The following FBN1 variants were observed in gnomAD, a reference collection of about 807,000 sequenced individuals.
FBN1 encodes the protein fibrillin-1.
Under a neutral mutation model 365.1 loss-of-function variants are expected in FBN1, and 29 were observed. The ratio of observed to expected loss-of-function variants is 0.08; its 90% CI spans 0.06 to 0.11. The LOEUF is 0.11. Among genes scored for constraint, FBN1 ranks in the 10% least tolerant of loss-of-function variants. The pLI, the probability that FBN1 is intolerant of heterozygous loss-of-function variation, is 1.00. For synonymous variants in FBN1, 1,210 were observed against 1,270.5 expected (o/e 0.95, Z 1.01); for missense variants, 2,476 against 3,703.2 (o/e 0.67, Z 8.60).
chr15:48,495,734 T>C (rs2043602392), intron 20 of FBN1, 146 bp from the exon 21 acceptor site: 2 of 975,460 alleles, frequency 2.1e-6, no homozygotes, highest in East Asian at 4.8e-5. Context: ...CTAGATGGAA[T>C]GCCAAAATAA....
chr15:48,594,569 C>A (rs1259749094), intron 6 of FBN1, among the ~76,000 whole-genome samples: 1 of 152,142 alleles, frequency 6.6e-6, no homozygotes, highest in Non-Finnish European at 1.5e-5. Context: ...AGTAATTTAA[C>A]CCATTCAGGA....
At chr15:48,612,958 C>A in intron 3 of FBN1, 52 bp downstream of exon 3, 1 of 1,361,634 alleles carries the variant, frequency 7.3e-7, no homozygotes, top group Non-Finnish European at 1.1e-6. Flanking sequence ...CCCCATGCAA[C>A]CAACACAACA....
intron 39 of FBN1, 31 bp from the exon 40 acceptor site, chr15:48,465,724 A>G (rs773166728): frequency 5.6e-6 from 9 of 1,613,852 alleles, no homozygotes; most frequent in Non-Finnish European, 5.9e-6. Flanking sequence ...GCATTCCTTT[A>G]GCATTGTAAA....
chr15:48,587,356 T>C lies in FBN1; in HGVS notation c.538+8927A>G, dbSNP rs566527733. ...ACCAGTCTTCCCACTAATTTATACA[T>C]ACAAAGGGGCATTTTTTAATCCCAA... On this transcript the variant is annotated intron_variant, in intron 6 of 65. Transcript: ENST00000316623. Among the ~76,000 whole-genome samples the C allele has an allele frequency of 4.6e-5, 7 of 152,304 alleles. No homozygotes were observed. The South Asian group carries it at 1.4e-3, about 32-fold the overall frequency.
chr15:48,417,149 T>G (rs2042908302), intron 63 of FBN1, among the ~76,000 whole-genome samples: 1 of 152,044 alleles, frequency 6.6e-6, no homozygotes, highest in Non-Finnish European at 1.5e-5. Flanking sequence ...GCTCCACATT[T>G]AAGCTGGTGC....
intron 6 of FBN1, among the ~76,000 whole-genome samples, chr15:48,578,764 C>A (rs1212486439): frequency 6.9e-6 from 1 of 144,824 alleles, no homozygotes; most frequent in Non-Finnish European, 1.5e-5. Context: ...GAACAAAAAA[C>A]CAAACACCGC....
intron 10 of FBN1, among the ~76,000 whole-genome samples, chr15:48,517,164 T>C (rs941152616): frequency 2.0e-5 from 3 of 152,146 alleles, no homozygotes; most frequent in African/African-American, 4.8e-5. Context: ...CATAGGAGTT[T>C]TGAGATATCA....
intron 6 of FBN1, among the ~76,000 whole-genome samples, chr15:48,551,196 T>C (rs1162248500): frequency 6.6e-6 from 1 of 152,214 alleles, no homozygotes; most frequent in Non-Finnish European, 1.5e-5. Flanking sequence ...TGGGGTTGTA[T>C]GAGTAGTAAA....
At chr15:48,581,558 T>A (rs1182623888) in intron 6 of FBN1, among the ~76,000 whole-genome samples, 2 of 152,144 alleles carry the variant, frequency 1.3e-5, no homozygotes, top group Non-Finnish European at 2.9e-5. Context: ...CCACATAATA[T>A]CCACTTACAA....
Position 48,488,523 on chromosome 15 carries a change from T to G in FBN1, c.3083-30A>C, listed in dbSNP as rs1011081988. On this transcript the variant is annotated intron_variant, in intron 25 of 65. Coordinates refer to ENST00000316623, the MANE Select transcript of FBN1 (RefSeq NM_000138.5). ...AAGAATAAGAAAATGTGGGGCAAAA[T>G]AAGTTTATGAGCAAGCAGTCAGGAG... The G allele has an allele frequency of 5.0e-6, 8 of 1,609,404 alleles. No homozygotes were observed. In the African/African-American group the frequency reaches 1.1e-4, roughly 21 times the overall value.
In FBN1 at chr15:48,420,781, G is replaced by T; in HGVS notation, c.7725C>A (p.His2575Gln). The T allele has an allele frequency of 1.2e-6, 2 of 1,614,038 alleles. No homozygotes were observed. Among genetic ancestry groups the T allele is most frequent in the African/African-American group, 1.3e-5 (1 of 75,034 alleles). The change falls in exon 63 of 66, where the codon CAC becomes CAA. Residue 2575 changes from histidine (H) to glutamine (Q), a missense_variant. By Grantham distance (24) the His-to-Gln change is conservative (BLOSUM62 0). This residue lies in a region of FBN1 where 1,780 missense variants were observed against 2,840.8 expected (regional missense o/e 0.63). Transcript: ENST00000316623. ...TGTTCTGGCAGCCATGCTGGCAGCG[G>T]TGGTTACCCTCACACTCGTCCACGT... is the stretch of plus-strand genomic sequence containing the variant. ...CEDVDECEGNHRCQHGCQNII... is the reference protein window; with the variant it reads ...CEDVDECEGNQRCQHGCQNII...
Position 48,539,573 on chromosome 15 carries a change from T to G in FBN1, c.539-1765A>C, listed in dbSNP as rs553856360. ...TTCACAGTTATGTCTGCTATGAGGA[T>G]GATGAATTGAAAAACCTTTTAATTC... On this transcript the variant is annotated intron_variant, in intron 6 of 65. Transcript: ENST00000316623. 1.5e-4 allele frequency among the ~76,000 whole-genome samples: 23 copies of G among 152,344 alleles called. No homozygotes were observed. In the South Asian group the frequency reaches 2.9e-3, roughly 19 times the overall value.
chr15:48,567,014 C>T (rs1175547210), intron 6 of FBN1, among the ~76,000 whole-genome samples: 1 of 152,134 alleles, frequency 6.6e-6, no homozygotes, highest in African/African-American at 2.4e-5. Flanking sequence ...AGGCCCTGCC[C>T]CCAACCTGCC....
chr15:48,483,894 G>A lies in FBN1; in HGVS notation c.3762C>T (p.Cys1254=), dbSNP rs1555398286. 3 of 1,613,404 alleles carry A rather than the reference G, an allele frequency of 1.9e-6. No homozygotes were observed. The highest frequency in any genetic ancestry group is 3.3e-5 in the Admixed American group (2 of 60,000). ...ACCTGTACTCTCCAGGGATATTTGT[G>A]CACTGACCACCATCACAGATATTGG... ...DNPNICDGGQ[C]TNIPGEYRCL... The change falls in exon 31 of 66, where the codon TGC becomes TGT. Residue 1254 remains cysteine, a synonymous_variant. Transcript: ENST00000316623.
intron 44 of FBN1, 72 bp downstream of exon 44, chr15:48,456,565 T>C (rs767804936): frequency 1.2e-5 from 17 of 1,476,772 alleles, no homozygotes; most frequent in Middle Eastern, 1.7e-4. Flanking sequence ...GTTGTGAAAT[T>C]CGCCAAGTGT....
intron 32 of FBN1, among the ~76,000 whole-genome samples, chr15:48,477,421 A>T (rs16960982): frequency 0.2 from 29,860 of 152,124 alleles, 3,287 homozygotes; most frequent in East Asian, 0.36. Context: ...TGTATAAGTT[A>T]TTATCTCAAT....
In FBN1 at chr15:48,513,420, T is replaced by C. The variant is rs968204844; in HGVS notation, c.1588+129A>G. Reference sequence around the variant, plus strand: ...CAGAATGACAATAGGTGGAACTAAGTTCAAAAAAGCCACGGGACTGTATTA... The same window carrying C: ...CAGAATGACAATAGGTGGAACTAAGCTCAAAAAAGCCACGGGACTGTATTA... On this transcript the variant is annotated intron_variant, in intron 13 of 65. Transcript: ENST00000316623. 28 of 1,324,754 alleles carry C rather than the reference T, an allele frequency of 2.1e-5. No homozygotes were observed. The East Asian group carries it at 6.5e-4, about 31-fold the overall frequency. 82.1% of individuals were successfully genotyped at this position (1,324,754 alleles called of 1,614,324 possible). A position where few individuals can be genotyped will look rare whatever the true frequency, so the allele number is the denominator to read the frequency against.
In FBN1 at chr15:48,500,998, G is replaced by A. The variant is rs775133028; in HGVS notation, c.2114-1960C>T. Reference sequence around the variant, plus strand: ...TTGAAATGAGGGATATCCTACATTCGGATGGTTCATGACCAAAGAGGTGGA... The same window carrying A: ...TTGAAATGAGGGATATCCTACATTCAGATGGTTCATGACCAAAGAGGTGGA... On this transcript the variant is annotated intron_variant, in intron 17 of 65. Transcript: ENST00000316623. Among the ~76,000 whole-genome samples, 16 of 152,156 alleles carry A rather than the reference G, an allele frequency of 1.1e-4. No homozygotes were observed. In the East Asian group the frequency reaches 1.3e-3, roughly 13 times the overall value.
intron 6 of FBN1, among the ~76,000 whole-genome samples, chr15:48,568,696 A>G (rs763046566): frequency 6.9e-4 from 105 of 152,240 alleles, no homozygotes; most frequent in Non-Finnish European, 1.2e-3. Flanking sequence ...CCTTCTGGTT[A>G]CGGCTAACTG....
Sources: gnomAD v4.1 joint callset for allele counts (sites outside exome capture counted in the v4.1 genomes callset) on GRCh38, gnomAD v4.1.1 for gene constraint, gnomAD v4.1.1 regional missense constraint, MANE v1.5 for transcripts, NCBI Gene and HGNC (gene_info 2026-07-23, HGNC 2026-07-21) for gene names.